The following TTLL3 variants were observed in gnomAD, a reference collection of about 807,000 sequenced individuals.
The protein encoded by TTLL3 is tubulin tyrosine ligase like 3, also known as tubulin monoglycylase TTLL3.
TTLL3 carries 63 observed loss-of-function variants against 75.2 expected under a neutral mutation model. The observed-to-expected ratio is 0.84, with a 90% CI of 0.68 to 1.03. The LOEUF is 1.03. Ranked by LOEUF, TTLL3 falls within the 50% of genes least tolerant of loss-of-function variation. TTLL3 has a pLI of 0.00. For missense variants in TTLL3, 997 were observed against 1,069.9 expected (o/e 0.93, Z 0.95); for synonymous variants, 393 against 418.5 (o/e 0.94, Z 0.74).
At chr3:9,827,266 G>A (rs544471862) in intron 10 of TTLL3, 26 bp downstream of exon 10, 26 of 1,608,952 alleles carry the variant, frequency 1.6e-5, no homozygotes, top group African/African-American at 1.3e-4. Flanking sequence ...CGCCTCCCAC[G>A]AGCTCCCTGC....
intron 10 of TTLL3, chr3:9,828,343 C>G (rs1160904960): frequency 6.6e-6 from 1 of 152,142 alleles, no homozygotes; most frequent in Non-Finnish European, 1.5e-5. Context: ...ATGTGAAAAC[C>G]TATTTAAGCC....
At position 9,833,094 on chromosome 3, in the gene TTLL3, T is replaced by C. The variant is rs1244559630; in HGVS notation, c.1684-10T>C. On this transcript the variant is annotated splice_polypyrimidine_tract_variant and intron_variant, in intron 11 of 13. Coordinates refer to ENST00000685419, the MANE Select transcript of TTLL3 (RefSeq NM_001387446.1). ...ACTGAGTGGGCCTTGTCTCCTCTTCTTGCCCACAGCCTGCTGTGGAGGTGC... is the reference window on the plus strand; with the variant it reads ...ACTGAGTGGGCCTTGTCTCCTCTTCCTGCCCACAGCCTGCTGTGGAGGTGC... The C allele has an allele frequency of 6.2e-7, 1 of 1,613,886 alleles. No individual in the cohort carries two copies. Among genetic ancestry groups the C allele is most frequent in the African/African-American group, 1.3e-5 (1 of 74,932 alleles).
At chr3:9,817,885 T>A in intron 6 of TTLL3, 126 bp downstream of exon 6, 4 of 1,259,464 alleles carry the variant, frequency 3.2e-6, no homozygotes, top group Non-Finnish European at 4.4e-6. Flanking sequence ...CAGATTTCCC[T>A]TTCCACCCTC....
intron 12 of TTLL3, 137 bp from the exon 13 acceptor site, chr3:9,834,544 G>A: frequency 1.5e-6 from 2 of 1,372,046 alleles, no homozygotes; most frequent in Non-Finnish European, 2.0e-6. Flanking sequence ...ACTGCCTCTG[G>A]AGGAGGAACC....
At chr3:9,819,566 G>A (rs2080222802) in intron 7 of TTLL3, 1 of 986,300 alleles carries the variant, frequency 1.0e-6, no homozygotes, top group South Asian at 4.7e-5. Context: ...GAACAGCTTA[G>A]GCCTGAACAT....
chr3:9,835,649 A>G lies in TTLL3; in HGVS notation c.*160A>G. On this transcript the variant is annotated 3_prime_UTR_variant, in exon 14 of 14. Transcript: ENST00000685419. ...AGAAACTGAGTCTGAAAGAGGAGGC[A>G]TGGCTTACCCAAGATCACGTGGCAG... is the stretch of plus-strand genomic sequence containing the variant. The G allele has an allele frequency of 1.4e-6, 1 of 715,722 alleles. No homozygotes were observed. The highest frequency in any genetic ancestry group is 1.8e-5 in the African/African-American group (1 of 56,176). 44.3% of individuals were successfully genotyped at this position (715,722 alleles called of 1,614,324 possible). A position where few individuals can be genotyped will look rare whatever the true frequency, so the allele number is the denominator to read the frequency against.
At chr3:9,832,607 C>A (rs2081661263) in intron 11 of TTLL3, among the ~76,000 whole-genome samples, 1 of 152,182 alleles carries the variant, frequency 6.6e-6, no homozygotes, top group Admixed American at 6.5e-5. Context: ...TCTCTGCCTT[C>A]CTCTGCATAT....
At chr3:9,809,975 G>GGCCCTGGGAGGGCGGGCGCGGGATCAGGA, upstream of TTLL3, 2 of 1,300,940 alleles carry the variant, frequency 1.5e-6, no homozygotes, top group Non-Finnish European at 1.9e-6. Flanking sequence ...CGGGATCAGG[G>GGCCCTGGGAGGGCGGGCGCGGGATCAGGA]GCCCTGGGAG....
intron 11 of TTLL3, 61 bp from the exon 12 acceptor site, chr3:9,833,043 C>G (rs1035981590): frequency 6.3e-7 from 1 of 1,595,740 alleles, no homozygotes; most frequent in East Asian, 2.3e-5. Context: ...CTGGGTCCCG[C>G]TGGGCCAAGG....
At position 9,810,319 on chromosome 3, in the gene TTLL3, C is replaced by T. The variant is rs1239808491; in HGVS notation, c.-117C>T. The T allele has an allele frequency of 2.7e-6, 4 of 1,476,458 alleles. No individual in the cohort carries two copies. Among genetic ancestry groups the T allele is most frequent in the Non-Finnish European group, 3.6e-6 (4 of 1,125,448 alleles). 91.5% of individuals were successfully genotyped at this position (1,476,458 alleles called of 1,614,324 possible). ...CTTCAAGACGCTGGTCCCAGGCACC[C>T]ACGCCCAGGGCGCCTCGGATACCCA... is the stretch of plus-strand genomic sequence containing the variant. On this transcript the variant is annotated 5_prime_UTR_variant, in exon 1 of 14. Coordinates refer to ENST00000685419, the MANE Select transcript of TTLL3 (RefSeq NM_001387446.1). The surrounding 1 kb of genome is among the most constrained non-coding windows in gnomAD (Gnocchi z 4.4).
At chr3:9,814,024 G>A (rs374898262) in intron 4 of TTLL3, among the ~76,000 whole-genome samples, 9 of 152,090 alleles carry the variant, frequency 5.9e-5, no homozygotes, top group East Asian at 1.9e-4. Flanking sequence ...GAGACGGAGC[G>A]GGGTGGCTTA....
intron 8 of TTLL3, chr3:9,825,309 G>A (rs2080918356): frequency 5.5e-6 from 1 of 182,344 alleles, no homozygotes; most frequent in South Asian, 8.8e-5. Flanking sequence ...CTGCACTTCA[G>A]CCTGGGTGAC....
At chr3:9,827,532 G>A in intron 10 of TTLL3, 2 of 392,052 alleles carry the variant, frequency 5.1e-6, no homozygotes, top group Non-Finnish European at 9.3e-6. Context: ...CCTCCCAAGT[G>A]TCTGAGACCA....
chr3:9,813,532 C>G (rs2079536871), intron 4 of TTLL3, among the ~76,000 whole-genome samples, 187 bp downstream of exon 4: 1 of 152,182 alleles, frequency 6.6e-6, no homozygotes, highest in Non-Finnish European at 1.5e-5. Context: ...GTGGTCCCAG[C>G]TACTCAGGAG....
chr3:9,836,261 C>T lies in TTLL3; in HGVS notation c.*772C>T, dbSNP rs2082006707. 6.6e-6 allele frequency: 1 copy of T among 150,902 alleles called. No individual in the cohort carries two copies. Among genetic ancestry groups the T allele is most frequent in the African/African-American group, 2.4e-5 (1 of 40,892 alleles). The allele number at this position is 150,902 out of a possible 1,614,324, so 9.3% of individuals were successfully genotyped here. On this transcript the variant is annotated 3_prime_UTR_variant, in exon 14 of 14. Transcript: ENST00000685419. ...ACTGTGGTGAGCTGTGATCACGCCA[C>T]TGCGCTCTGAGCCTGGGAGACAGAG...
intron 4 of TTLL3, among the ~76,000 whole-genome samples, chr3:9,814,346 TAAATA>T (rs1004171419): frequency 8.4e-5 from 12 of 143,148 alleles, no homozygotes; most frequent in African/African-American, 2.3e-4. Flanking sequence ...AAAAAATAAA[TAAATA>T]AAATAAAATA....
In TTLL3 at chr3:9,829,348, C is replaced by G; in HGVS notation, c.1636C>G (p.Leu546Val). 6.2e-7 allele frequency: 1 copy of G among 1,609,656 alleles called. No homozygotes were observed. Among genetic ancestry groups the G allele is most frequent in the Non-Finnish European group, 8.5e-7 (1 of 1,177,136 alleles). ...DTLRVVIDRM[L>V]DRNCDTGAFE... ...CCTGCGCGTGGTCATTGACCGGATGCTGGACCGCAACTGTGACACAGGAGC... is the reference window on the plus strand; with the variant it reads ...CCTGCGCGTGGTCATTGACCGGATGGTGGACCGCAACTGTGACACAGGAGC... The change falls in exon 11 of 14, where the codon CTG becomes GTG. Residue 546 changes from leucine (L) to valine (V), a missense_variant. By Grantham distance (32) the Leu-to-Val change is conservative. Transcript: ENST00000685419.
intron 10 of TTLL3, 61 bp from the exon 11 acceptor site, chr3:9,828,899 C>G (rs1212704100): frequency 6.3e-7 from 1 of 1,591,696 alleles, no homozygotes; most frequent in Non-Finnish European, 8.6e-7. Context: ...GCCTGTCCTC[C>G]CTGAGTTTGG....
At chr3:9,813,809 G>A (rs372092439) in intron 4 of TTLL3, among the ~76,000 whole-genome samples, 12 of 152,106 alleles carry the variant, frequency 7.9e-5, no homozygotes, top group East Asian at 3.9e-4. Context: ...GTGAATAAAG[G>A]CTAGATAGGC....
Sources: allele counts gnomAD v4.1 joint callset (sites outside exome capture counted in the v4.1 genomes callset), GRCh38; gene constraint gnomAD v4.1.1; non-coding constraint Gnocchi (gnomAD v3.1); transcripts MANE v1.5; gene names NCBI Gene and HGNC (gene_info 2026-07-23, HGNC 2026-07-21).